Variants in ADGRF5 observed in about 807,000 individuals in gnomAD.
The protein encoded by ADGRF5 is adhesion G protein-coupled receptor F5.
A neutral mutation model predicts 132.3 loss-of-function variants in ADGRF5; 75 were observed. The ratio of observed to expected loss-of-function variants is 0.57; its 90% confidence interval spans 0.47 to 0.69. ADGRF5 has a LOEUF of 0.69. Ranked by LOEUF, ADGRF5 falls within the 30% of genes least tolerant of loss-of-function variation. The probability of loss-of-function intolerance (pLI) is 0.00; values close to 1 mark genes in which losing one functional copy is unlikely to be tolerated. For synonymous variants in ADGRF5, 629 were observed against 597.6 expected, an observed-to-expected ratio of 1.05 and a Z score of -0.77; for missense variants, 1,516 against 1,630.6, an observed-to-expected ratio of 0.93 and a Z score of 1.21.
At chr6:46,873,118 C>T (rs1038689869) in intron 10 of ADGRF5, among the ~76,000 whole-genome samples, 10 of 152,116 alleles carry the variant, frequency 6.6e-5, no homozygotes, top group Admixed American at 2.6e-4. Flanking sequence ...TCCAGGACAT[C>T]CCTTCATCCT....
chr6:46,931,874 C>A (rs747597224), intron 1 of ADGRF5, among the ~76,000 whole-genome samples: 4 of 152,168 alleles, frequency 2.6e-5, no homozygotes, highest in Non-Finnish European at 5.9e-5. Context: ...GAGCTGAGAT[C>A]TTGCCATTGC....
In ADGRF5 at chr6:46,887,748, C is replaced by T. The variant is rs1773199567; in HGVS notation, c.328+587G>A. 2.0e-5 allele frequency among the ~76,000 whole-genome samples: 3 copies of T among 152,184 alleles called. No individual in the cohort carries two copies. The South Asian group carries it at 6.2e-4, about 32-fold the overall frequency. The stretch of plus-strand genomic sequence containing the variant: ...TGGAAGCCTTATCTCACAACTTCTA[C>T]TGTATACCAAGTCTTGGGTGATGGT... On this transcript the variant is annotated intron_variant, in intron 4 of 20. Coordinates refer to ENST00000283296, the MANE Select transcript of ADGRF5 (RefSeq NM_001098518.2).
intron 1 of ADGRF5, among the ~76,000 whole-genome samples, chr6:46,929,454 G>T (rs570252094): frequency 4.1e-4 from 60 of 148,026 alleles, no homozygotes; most frequent in African/African-American, 1.4e-3. Flanking sequence ...TAACAAACCT[G>T]CACGTTGTGC....
At chr6:46,951,817 C>T (rs778604713) in intron 1 of ADGRF5, among the ~76,000 whole-genome samples, 4 of 152,322 alleles carry the variant, frequency 2.6e-5, no homozygotes, top group Non-Finnish European at 5.9e-5. Flanking sequence ...GAGTCACGGG[C>T]AAACTGTGCT....
chr6:46,885,480 T>G (rs1772976960), intron 4 of ADGRF5, among the ~76,000 whole-genome samples: 1 of 152,146 alleles, frequency 6.6e-6, no homozygotes. Flanking sequence ...AAGTTTCCTT[T>G]TACATCCCGC....
At chr6:46,907,473 A>AG (rs1269731282) in intron 1 of ADGRF5, among the ~76,000 whole-genome samples, 1 of 152,076 alleles carries the variant, frequency 6.6e-6, no homozygotes, top group Admixed American at 6.6e-5. Context: ...CCAAAGTGCC[A>AG]GGATTACAGA....
At chr6:46,952,338 C>T (rs6902317) in intron 1 of ADGRF5, among the ~76,000 whole-genome samples, 4 of 152,286 alleles carry the variant, frequency 2.6e-5, no homozygotes, top group East Asian at 1.9e-4. Flanking sequence ...TCCAGATGAG[C>T]GCTGCATGGA....
chr6:46,892,548 G>A (rs185134121), intron 3 of ADGRF5, among the ~76,000 whole-genome samples: 1 of 152,046 alleles, frequency 6.6e-6, no homozygotes, highest in African/African-American at 2.4e-5. Context: ...TCAGGAGTTC[G>A]AGACCTGCCT....
At chr6:46,867,805 A>T (rs1770618126) in intron 12 of ADGRF5, among the ~76,000 whole-genome samples, 1 of 152,178 alleles carries the variant, frequency 6.6e-6, no homozygotes. Flanking sequence ...GCGGGGGGGA[A>T]GAGGGAATTT....
intron 11 of ADGRF5, among the ~76,000 whole-genome samples, chr6:46,871,243 T>G (rs748600385): frequency 2.0e-5 from 3 of 152,096 alleles, no homozygotes; most frequent in Non-Finnish European, 2.9e-5. Context: ...TTATAATGCT[T>G]TATGATATAG....
Position 46,858,779 on chromosome 6 carries a change from T to A in ADGRF5, c.3124A>T (p.Thr1042Ser), listed in dbSNP as rs1769355789. 1.2e-6 allele frequency: 2 copies of A among 1,613,124 alleles called. No individual in the cohort carries two copies. The highest frequency in any genetic ancestry group is 1.7e-6 in the Non-Finnish European group (2 of 1,179,740). ...CGCATATAAGAAGTCCGGTTCTTGG[T>A]CACCGATTTCCACACCACAGCTTCC... ...VVEAVVWKSV[T>S]KNRTSYMRHT... The change falls in exon 17 of 21, where the codon ACC becomes TCC. Residue 1042 changes from threonine (T) to serine (S), a missense_variant. Thr to Ser is a moderately conservative substitution (Grantham distance 58). Around this residue, in one of 2 missense-constraint regions of ADGRF5, gnomAD observed 571 missense variants for 701.2 expected, o/e 0.81. Transcript: ENST00000283296.
In ADGRF5 at chr6:46,868,988, T is replaced by A; in HGVS notation, c.1516A>T (p.Thr506Ser). The A allele has an allele frequency of 6.2e-7, 1 of 1,612,664 alleles. No homozygotes were observed. The highest frequency in any genetic ancestry group is 8.5e-7 in the Non-Finnish European group (1 of 1,178,628). The change falls in exon 12 of 21, where the codon ACT (threonine) becomes TCT (serine). Residue 506 changes from threonine to serine, a missense_variant. Physicochemically the swap from Thr to Ser is moderately conservative, Grantham distance 58 (BLOSUM62 1). This residue lies in a region of ADGRF5 where 945 missense variants were observed against 929.4 expected (regional missense o/e 1.02). Transcript: ENST00000283296. ...VSNYDEVYWN[T>S]SAGIKIYQRF... ...TGGTATATTTTAATTCCAGCAGAAG[T>A]GTTCCAATAAACCTCATCATAGTTA...
intron 10 of ADGRF5, among the ~76,000 whole-genome samples, chr6:46,872,411 G>A (rs1771178978): frequency 6.6e-6 from 1 of 152,126 alleles, no homozygotes; most frequent in African/African-American, 2.4e-5. Context: ...TTTTTTGAAT[G>A]TGAACAATAA....
At position 46,856,009 on chromosome 6, in the gene ADGRF5, A is replaced by G. The variant is rs747248675; in HGVS notation, c.3926T>C (p.Ile1309Thr). 35 of 1,602,116 alleles carry G rather than the reference A, an allele frequency of 2.2e-5. No individual in the cohort carries two copies. The highest frequency in any genetic ancestry group is 2.9e-5 in the Non-Finnish European group (34 of 1,171,148). Residue 1309 changes from isoleucine to threonine, a missense_variant, in exon 20 of 21, where the codon ATA becomes ACA. Physicochemically the swap from Ile to Thr is moderately conservative, Grantham distance 89. Around this residue, in one of 2 missense-constraint regions of ADGRF5, gnomAD observed 571 missense variants for 701.2 expected, o/e 0.81. Coordinates refer to ENST00000283296, the MANE Select transcript of ADGRF5 (RefSeq NM_001098518.2). ...AAACAAATTGTTAAATCTCCTTGAT[A>G]TTGGAGAACTCATAGAAAACACAGG... Reference protein sequence around the residue: ...STPVFSMSSPISRRFNNLFGK... With the variant: ...STPVFSMSSPTSRRFNNLFGK...
At chr6:46,871,324 C>A (rs553445600) in intron 11 of ADGRF5, among the ~76,000 whole-genome samples, 1 of 152,048 alleles carries the variant, frequency 6.6e-6, no homozygotes, top group Admixed American at 6.6e-5. Context: ...TCGTTCCAAC[C>A]ATAAAATAAC....
chr6:46,941,692 T>C (rs893784726), intron 1 of ADGRF5, among the ~76,000 whole-genome samples: 9 of 152,060 alleles, frequency 5.9e-5, no homozygotes, highest in Admixed American at 4.6e-4. Flanking sequence ...TGAGAAACTA[T>C]TGATGGTCCC....
At chr6:46,864,958 G>T in intron 14 of ADGRF5, 84 bp downstream of exon 14, 1 of 893,832 alleles carries the variant, frequency 1.1e-6, no homozygotes, top group Non-Finnish European at 1.8e-6. Context: ...TATGTTTATT[G>T]AATGGGGATG....
intron 1 of ADGRF5, among the ~76,000 whole-genome samples, chr6:46,926,976 G>A (rs1038876312): frequency 1.3e-5 from 2 of 152,104 alleles, no homozygotes; most frequent in Admixed American, 6.5e-5. Context: ...TCCAATGGCG[G>A]ATACCATATA....
At chr6:46,854,709 C>T (rs547258394) in intron 20 of ADGRF5, 11 of 1,282,814 alleles carry the variant, frequency 8.6e-6, no homozygotes, top group East Asian at 5.6e-5. Flanking sequence ...GAAGTGCCCA[C>T]CCTACCATCA....
Sources: gnomAD v4.1 joint callset for allele counts (sites outside exome capture counted in the v4.1 genomes callset) on GRCh38, gnomAD v4.1.1 for gene constraint, gnomAD v4.1.1 regional missense constraint, MANE v1.5 for transcripts, NCBI Gene and HGNC (gene_info 2026-07-23, HGNC 2026-07-21) for gene names.